SEMA4D: variants seen among roughly 807,000 people sequenced by gnomAD.
SEMA4D encodes semaphorin 4D, also known as semaphorin-4D.
Under a neutral mutation model 74.8 loss-of-function variants are expected in SEMA4D, and 22 were observed. The ratio of observed to expected loss-of-function variants is 0.29; its 90% CI spans 0.21 to 0.42. SEMA4D has a LOEUF of 0.42. SEMA4D is among the 10% of genes least tolerant of loss of function. The pLI is 1.00. For missense variants in SEMA4D, 937 were observed against 1,118.4 expected (o/e 0.84, Z 2.31); for synonymous variants, 445 against 463.7 (o/e 0.96, Z 0.52).
At chr9:89,471,969 C>T (rs1365446007) in intron 1 of SEMA4D, among the ~76,000 whole-genome samples, 2 of 150,956 alleles carry the variant, frequency 1.3e-5, no homozygotes, top group African/African-American at 4.9e-5. Context: ...TGCATATAGG[C>T]TGAGGTGCAC....
At chr9:89,401,309 G>A (rs1468892900) in intron 4 of SEMA4D, among the ~76,000 whole-genome samples, 3 of 152,054 alleles carry the variant, frequency 2.0e-5, no homozygotes, top group Non-Finnish European at 2.9e-5. Context: ...CGCCTACCTC[G>A]ACCTCCCACA....
At chr9:89,426,671 G>A (rs982998169) in intron 2 of SEMA4D, among the ~76,000 whole-genome samples, 2 of 152,152 alleles carry the variant, frequency 1.3e-5, no homozygotes, top group Admixed American at 6.5e-5. Flanking sequence ...CCAGGTGCAC[G>A]CAGCCTCGAC....
chr9:89,377,256 T>G lies in SEMA4D; in HGVS notation c.*1448A>C. 1.5e-6 allele frequency: 1 copy of G among 686,986 alleles called. No individual in the cohort carries two copies. The highest frequency in any genetic ancestry group is 2.2e-6 in the Non-Finnish European group (1 of 453,654). The allele number at this position is 686,986 out of a possible 1,614,324, so 42.6% of individuals were successfully genotyped here. On this transcript the variant is annotated 3_prime_UTR_variant, in exon 16 of 16. Transcript: ENST00000422704. ...CAAATCAAGGATAGAAGCTTCTCATTTATTTGGGTACTTTCCAAATGTATA... is the reference window on the plus strand; with the variant it reads ...CAAATCAAGGATAGAAGCTTCTCATGTATTTGGGTACTTTCCAAATGTATA...
Position 89,387,489 on chromosome 9 carries a change from G to A in SEMA4D, c.1227C>T (p.Asn409=), listed in dbSNP as rs368013568. 2 of 1,614,250 alleles carry A rather than the reference G, an allele frequency of 1.2e-6. No homozygotes were observed. The highest frequency in any genetic ancestry group is 3.3e-5 in the Admixed American group (2 of 60,034). ...CATCTTTCTTGATTAACCTGGGCCT[G>A]TTGTCTATTGGGGTTACCGAGTCAT... ...LMDDSVTPID[N]RPRLIKKDVN... is the part of the protein sequence containing the mutation. The change falls in exon 12 of 16, where the codon AAC becomes AAT. Residue 409 remains asparagine (N), a synonymous_variant. Transcript: ENST00000422704.
At chr9:89,369,716 G>T (rs1834243956) in intron 16 of SEMA4D, among the ~76,000 whole-genome samples, 1 of 152,258 alleles carries the variant, frequency 6.6e-6, no homozygotes, top group Non-Finnish European at 1.5e-5. Flanking sequence ...GGGTTCATCA[G>T]TTCAGACGAG....
At chr9:89,375,037 A>T (rs1438116402), downstream of SEMA4D, among the ~76,000 whole-genome samples, 2 of 152,206 alleles carry the variant, frequency 1.3e-5, no homozygotes, top group Non-Finnish European at 2.9e-5. Context: ...TGGGCAACAG[A>T]GCAAGACTCT....
chr9:89,477,098 A>G (rs1861934160), intron 1 of SEMA4D, among the ~76,000 whole-genome samples: 1 of 152,322 alleles, frequency 6.6e-6, no homozygotes, highest in African/African-American at 2.4e-5. Context: ...AAATAAGTTC[A>G]GTAAGCCTCC....
intron 1 of SEMA4D, among the ~76,000 whole-genome samples, chr9:89,479,069 G>A (rs2136146714): frequency 6.6e-6 from 1 of 152,242 alleles, no homozygotes; most frequent in South Asian, 2.1e-4. Context: ...TGAATACCAG[G>A]GCTGCCCACT....
At chr9:89,425,408 A>G (rs1847889556) in intron 2 of SEMA4D, among the ~76,000 whole-genome samples, 1 of 152,238 alleles carries the variant, frequency 6.6e-6, no homozygotes, top group Admixed American at 6.5e-5. Flanking sequence ...AACACCCGCC[A>G]TAAGGCAAGG....
chr9:89,480,173 T>G (rs1260184448), intron 1 of SEMA4D, among the ~76,000 whole-genome samples: 1 of 151,360 alleles, frequency 6.6e-6, no homozygotes, highest in Non-Finnish European at 1.5e-5. Flanking sequence ...GTATTTACAA[T>G]CCCTGAGCTA....
chr9:89,467,937 C>G (rs1158378666), intron 1 of SEMA4D, among the ~76,000 whole-genome samples: 3 of 152,216 alleles, frequency 2.0e-5, no homozygotes, highest in Non-Finnish European at 4.4e-5. Context: ...CTCCCAGCCC[C>G]AAGGGCTCTC....
At chr9:89,427,721 G>GTGTC (rs1352419913) in intron 2 of SEMA4D, among the ~76,000 whole-genome samples, 4 of 152,194 alleles carry the variant, frequency 2.6e-5, no homozygotes, top group South Asian at 2.1e-4. Flanking sequence ...TCCCATCCCG[G>GTGTC]TGTCTGTCCT....
intron 1 of SEMA4D, among the ~76,000 whole-genome samples, chr9:89,474,807 G>A (rs923723893): frequency 3.3e-5 from 5 of 152,206 alleles, no homozygotes; most frequent in Non-Finnish European, 7.3e-5. Flanking sequence ...CCTTTCCGTA[G>A]AGAAAGGCCA....
In SEMA4D at chr9:89,405,651, C is replaced by T. The variant is rs1243747400; in HGVS notation, c.-195G>A. Reference sequence around the variant, plus strand: ...GGTGAGGAGGGGTCGCTCTCACCACCGCAATGTCAAAGCCCACTTGATACT... The same window carrying T: ...GGTGAGGAGGGGTCGCTCTCACCACTGCAATGTCAAAGCCCACTTGATACT... On this transcript the variant is annotated 5_prime_UTR_variant, in exon 3 of 16. Coordinates refer to ENST00000422704, the MANE Select transcript of SEMA4D (RefSeq NM_001371194.2). 28 of 1,425,694 alleles carry T rather than the reference C, an allele frequency of 2.0e-5. No homozygotes were observed. The South Asian group carries it at 2.6e-4, about 13-fold the overall frequency. The allele number at this position is 1,425,694 out of a possible 1,614,324, so 88.3% of individuals were successfully genotyped here.
downstream of SEMA4D, chr9:89,377,137 G>A: frequency 6.9e-7 from 1 of 1,451,068 alleles, no homozygotes; most frequent in Non-Finnish European, 9.1e-7. Flanking sequence ...GCAAAACACA[G>A]CAGGAAACGG....
chr9:89,394,049 T>A (rs1233216176), intron 6 of SEMA4D, among the ~76,000 whole-genome samples: 1 of 152,192 alleles, frequency 6.6e-6, no homozygotes, highest in Non-Finnish European at 1.5e-5. Flanking sequence ...AAGACGGCAT[T>A]CTAAGCAGCT....
At chr9:89,479,740 C>T (rs1352961754) in intron 1 of SEMA4D, 1 of 155,630 alleles carries the variant, frequency 6.4e-6, no homozygotes, top group Non-Finnish European at 1.4e-5. Flanking sequence ...TCCCGGTGGG[C>T]TCGTGGTCTC....
intron 2 of SEMA4D, among the ~76,000 whole-genome samples, chr9:89,433,429 T>G (rs1049513949): frequency 1.7e-4 from 26 of 152,120 alleles, no homozygotes; most frequent in African/African-American, 6.0e-4. Context: ...GGCTCTCCAA[T>G]CAGCAGAGAG....
chr9:89,370,344 G>A (rs1211094866), intron 16 of SEMA4D, among the ~76,000 whole-genome samples: 4 of 150,106 alleles, frequency 2.7e-5, no homozygotes, highest in African/African-American at 9.9e-5. Flanking sequence ...TGTGTCGTGT[G>A]GTGTATATTG....
Sources: gnomAD v4.1 joint callset for allele counts (sites outside exome capture counted in the v4.1 genomes callset) on GRCh38, gnomAD v4.1.1 for gene constraint, MANE v1.5 for transcripts, NCBI Gene and HGNC (gene_info 2026-07-23, HGNC 2026-07-21) for gene names.